EFCAB9: variants seen among roughly 807,000 people sequenced by gnomAD.
The protein encoded by EFCAB9 is EF-hand calcium binding domain 9.
In EFCAB9, 16 loss-of-function variants were observed where a neutral mutation model predicts 15.6. The observed-to-expected ratio is 1.03, with a 90% CI of 0.69 to 1.56. The LOEUF is 1.56. Ranked by LOEUF, EFCAB9 falls within the 40% of genes most tolerant of loss-of-function variation. The pLI is 0.00. For missense variants in EFCAB9, 208 were observed against 235.4 expected (o/e 0.88, Z 0.76); for synonymous variants, 76 against 85.4 (o/e 0.89, Z 0.61).
At chr5:172,199,315 C>A (rs958759708) in intron 1 of EFCAB9, 68 bp from the exon 2 acceptor site, 3 of 1,491,644 alleles carry the variant, frequency 2.0e-6, no homozygotes, top group African/African-American at 2.8e-5. Context: ...ATTTACATGG[C>A]TTCTAGCTGT....
In EFCAB9 at chr5:172,199,544, G is replaced by A. The variant is rs771279383; in HGVS notation, c.285+13G>A. On this transcript the variant is annotated intron_variant, in intron 2 of 3. Coordinates refer to ENST00000398186, the MANE Select transcript of EFCAB9 (RefSeq NM_001171183.2). ...GCTGGCCCACCAGGCAAGTAGCCGC[G>A]CGGCTGCTGCCATCCTCTTGCTAAT... is the stretch of plus-strand genomic sequence containing the variant. The A allele has an allele frequency of 1.2e-5, 18 of 1,536,686 alleles. No individual in the cohort carries two copies. In the South Asian group the frequency reaches 1.2e-4, roughly 10 times the overall value.
intron 2 of EFCAB9, among the ~76,000 whole-genome samples, chr5:172,200,204 G>A (rs1771233703): frequency 6.6e-6 from 1 of 152,110 alleles, no homozygotes; most frequent in South Asian, 2.1e-4. Context: ...ATAGGTGTGA[G>A]CCACCACACC....
rs75266745 is a variant in EFCAB9 at position 172,203,205 on chromosome 5, T to C, written c.463-9T>C. 8.2e-5 allele frequency: 36 copies of C among 440,184 alleles called. No homozygotes were observed. The highest frequency in any genetic ancestry group is 5.0e-4 in the African/African-American group (6 of 12,120). The allele number at this position is 440,184 out of a possible 1,614,324, so 27.3% of individuals were successfully genotyped here. A position where few individuals can be genotyped will look rare whatever the true frequency, so the allele number is the denominator to read the frequency against. ...AATAATTTTTCTTTCCCCCCCACCCTAACCAAAGCGTCTTAATTATCAGGA... is the reference window on the plus strand; with the variant it reads ...AATAATTTTTCTTTCCCCCCCACCCCAACCAAAGCGTCTTAATTATCAGGA... On this transcript the variant is annotated splice_polypyrimidine_tract_variant and intron_variant, in intron 3 of 3. Coordinates refer to ENST00000398186, the MANE Select transcript of EFCAB9 (RefSeq NM_001171183.2).
At chr5:172,197,620 G>A (rs1771183513) in intron 1 of EFCAB9, among the ~76,000 whole-genome samples, 1 of 152,278 alleles carries the variant, frequency 6.6e-6, no homozygotes, top group Non-Finnish European at 1.5e-5. Flanking sequence ...ACTATAAAGG[G>A]TATTGTGTCT....
intron 1 of EFCAB9, among the ~76,000 whole-genome samples, chr5:172,198,529 A>G (rs1275659548): frequency 6.6e-6 from 1 of 152,152 alleles, no homozygotes; most frequent in African/African-American, 2.4e-5. Flanking sequence ...GGTGGTAAAT[A>G]AGGTTTGGTC....
At chr5:172,198,444 G>A (rs183169217) in intron 1 of EFCAB9, among the ~76,000 whole-genome samples, 9 of 152,258 alleles carry the variant, frequency 5.9e-5, no homozygotes, top group Admixed American at 3.3e-4. Flanking sequence ...GGGAGGTTGA[G>A]TCTGCAGTGA....
chr5:172,197,295 C>T (rs1366967864), intron 1 of EFCAB9, among the ~76,000 whole-genome samples: 3 of 151,884 alleles, frequency 2.0e-5, no homozygotes, highest in East Asian at 1.9e-4. Flanking sequence ...TTAGTAGAGA[C>T]GGGTTTTCTC....
At position 172,199,252 on chromosome 5, in the gene EFCAB9, A is replaced by G. The variant is rs576826605; in HGVS notation, c.137-131A>G. On this transcript the variant is annotated intron_variant, in intron 1 of 3. Transcript: ENST00000398186. ...AGAAAGTACAGTGGCAAAGCCAGAA[A>G]CAAAATATTATCATCATTCTTCCTA... 4.8e-4 allele frequency: 587 copies of G among 1,211,432 alleles called. 3 individuals carry two copies. Among genetic ancestry groups the G allele is most frequent in the South Asian group, 3.0e-3 (190 of 63,084 alleles). 75.0% of individuals were successfully genotyped at this position (1,211,432 alleles called of 1,614,324 possible).
chr5:172,196,170 C>T (rs1771158373), intron 1 of EFCAB9, among the ~76,000 whole-genome samples: 1 of 152,066 alleles, frequency 6.6e-6, no homozygotes, highest in Non-Finnish European at 1.5e-5. Flanking sequence ...CACATGGAAA[C>T]ATTTCTCAAG....
chr5:172,202,682 T>TG (rs1474008652), intron 3 of EFCAB9, among the ~76,000 whole-genome samples: 2 of 151,066 alleles, frequency 1.3e-5, no homozygotes, highest in African/African-American at 2.4e-5. Context: ...CCCTCCAGCC[T>TG]GGGTGACCAA....
chr5:172,201,386 C>T (rs1161941267), intron 3 of EFCAB9, among the ~76,000 whole-genome samples: 1 of 146,074 alleles, frequency 6.8e-6, no homozygotes, highest in Non-Finnish European at 1.5e-5. Flanking sequence ...AAAACAACAA[C>T]AACAACAAAA....
Position 172,199,395 on chromosome 5 carries a change from A to G in EFCAB9, c.149A>G (p.Tyr50Cys). 1 of 1,537,248 alleles carries G rather than the reference A, an allele frequency of 6.5e-7. No homozygotes were observed. The highest frequency in any genetic ancestry group is 1.2e-5 in the South Asian group (1 of 84,054). The part of the protein sequence containing the change: ...GKNTLNDVLF[Y>C]HFLHHVTDLK... ...CCCACCTTAACAGATGTGCTGTTCT[A>G]TCACTTCCTTCATCATGTGACTGAC... is the stretch of plus-strand genomic sequence containing the variant. The change falls in exon 2 of 4, where the codon TAT becomes TGT. Residue 50 changes from tyrosine (Y) to cysteine (C), a missense_variant. By Grantham distance (194) the Tyr-to-Cys change is radical (BLOSUM62 -2). Transcript: ENST00000398186.
chr5:172,194,213 T>C lies in EFCAB9; in HGVS notation c.41T>C (p.Leu14Pro). The C allele has an allele frequency of 6.5e-7, 1 of 1,537,638 alleles. No homozygotes were observed. Among genetic ancestry groups the C allele is most frequent in the Non-Finnish European group, 8.7e-7 (1 of 1,147,012 alleles). ...GGATCGTTTCTGTGGTACCTCTATCTGGACAAAATATACTGCTTATTATCC... is the reference window on the plus strand; with the variant it reads ...GGATCGTTTCTGTGGTACCTCTATCCGGACAAAATATACTGCTTATTATCC... ...KQGSFLWYLY[L>P]DKIYCLLSVR... The change falls in exon 1 of 4, where the codon CTG becomes CCG. Residue 14 changes from leucine (L) to proline (P), a missense_variant. Transcript: ENST00000398186.
At chr5:172,201,182 C>A (rs186309123) in intron 3 of EFCAB9, among the ~76,000 whole-genome samples, 1 of 151,990 alleles carries the variant, frequency 6.6e-6, no homozygotes, top group Non-Finnish European at 1.5e-5. Flanking sequence ...TTGAGACCAG[C>A]CTGACCAATA....
In EFCAB9 at chr5:172,203,288, G is replaced by A. The variant is rs887903472; in HGVS notation, c.537G>A (p.Glu179=). 10 of 1,536,298 alleles carry A rather than the reference G, an allele frequency of 6.5e-6. No homozygotes were observed. The highest frequency in any genetic ancestry group is 4.9e-5 in the East Asian group (2 of 40,862). Reference sequence around the variant, plus strand: ...AATTACAGAAGAGGCAGAAAACAGAGGAGAAAGAAAAAGGAGAGAGAAAGA... The same window carrying A: ...AATTACAGAAGAGGCAGAAAACAGAAGAGAAAGAAAAAGGAGAGAGAAAGA... The part of the protein sequence containing the change: ...TDKLQKRQKT[E]EKEKGERKRS... Residue 179 remains glutamate (E), a synonymous_variant, in exon 4 of 4, where the codon GAG becomes GAA. Transcript: ENST00000398186.
intron 1 of EFCAB9, among the ~76,000 whole-genome samples, chr5:172,194,747 A>G (rs1771129135): frequency 6.6e-6 from 1 of 152,112 alleles, no homozygotes; most frequent in Admixed American, 6.6e-5. Context: ...AGAAGTTGCC[A>G]ACTCAGAATT....
intron 2 of EFCAB9, among the ~76,000 whole-genome samples, chr5:172,199,759 G>A (rs745584786): frequency 6.6e-5 from 10 of 151,990 alleles, no homozygotes; most frequent in Non-Finnish European, 1.3e-4. Flanking sequence ...GACAGATGTG[G>A]CCCATCGCAT....
At chr5:172,202,403 C>T (rs983376353) in intron 3 of EFCAB9, among the ~76,000 whole-genome samples, 44 of 151,052 alleles carry the variant, frequency 2.9e-4, no homozygotes, top group African/African-American at 8.3e-4. Flanking sequence ...TTCTACCAAC[C>T]TAATGGAAGA....
chr5:172,198,968 G>A (rs1419075741), intron 1 of EFCAB9, among the ~76,000 whole-genome samples: 1 of 152,184 alleles, frequency 6.6e-6, no homozygotes, highest in Non-Finnish European at 1.5e-5. Flanking sequence ...AAAGGCAAAG[G>A]AAAAATGTCA....
Sources: gnomAD v4.1 joint callset for allele counts (sites outside exome capture counted in the v4.1 genomes callset) on GRCh38, gnomAD v4.1.1 for gene constraint, MANE v1.5 for transcripts, NCBI Gene and HGNC (gene_info 2026-07-23, HGNC 2026-07-21) for gene names.